NKAIN2: variants seen among roughly 807,000 people sequenced by gnomAD.
NKAIN2 encodes sodium/potassium-transporting ATPase subunit beta-1-interacting protein 2.
NKAIN2 carries 14 observed loss-of-function variants against 32.6 expected under a neutral mutation model. The ratio of observed to expected loss-of-function variants is 0.43; its 90% confidence interval spans 0.28 to 0.67. The LOEUF (loss-of-function observed/expected upper bound fraction) is 0.67. NKAIN2 is among the 30% of genes least tolerant of loss of function. The pLI is 0.17. For missense variants in NKAIN2, 198 were observed against 258.3 expected (o/e 0.77, Z 1.60); for synonymous variants, 80 against 87.2 (o/e 0.92, Z 0.46).
rs1324591860 is a variant in NKAIN2, at chr6:124,317,788, TTG to T, written c.192+34649_192+34650del. 4.6e-5 allele frequency among the ~76,000 whole-genome samples: 7 copies of T among 152,242 alleles called. No individual in the cohort carries two copies. The East Asian group carries it at 7.7e-4, about 17-fold the overall frequency. ...ATCAGACTACTAGGTTATTCACATCTTGTGAAACTTTTAGTTGAAGAATTTTC... is the reference window on the plus strand; with the variant it reads ...ATCAGACTACTAGGTTATTCACATCTTGAAACTTTTAGTTGAAGAATTTTC... On this transcript the variant is annotated intron_variant, in intron 2 of 6. Coordinates refer to ENST00000368417, the MANE Select transcript of NKAIN2 (RefSeq NM_001040214.3).
intron 1 of NKAIN2, among the ~76,000 whole-genome samples, chr6:123,994,040 C>T (rs540367394): frequency 8.5e-5 from 13 of 152,196 alleles, no homozygotes; most frequent in Non-Finnish European, 1.3e-4. Context: ...GCCATCACTG[C>T]TTCTTCCCCA....
intron 1 of NKAIN2, among the ~76,000 whole-genome samples, chr6:123,993,434 T>C (rs1285212265): frequency 6.6e-6 from 1 of 152,200 alleles, no homozygotes; most frequent in African/African-American, 2.4e-5. Flanking sequence ...ATTTTTTGTT[T>C]GTTTAGATGT....
chr6:123,925,886 C>A (rs1185725022), intron 1 of NKAIN2, among the ~76,000 whole-genome samples: 2 of 152,116 alleles, frequency 1.3e-5, no homozygotes, highest in East Asian at 1.9e-4. Flanking sequence ...AACTAGATAG[C>A]TTATATAAAC....
chr6:123,901,936 T>C (rs921583808), intron 1 of NKAIN2, among the ~76,000 whole-genome samples: 6 of 152,170 alleles, frequency 3.9e-5, no homozygotes, highest in Non-Finnish European at 7.4e-5. Flanking sequence ...ATGAGGCTGA[T>C]ACTTATTTTT....
chr6:124,033,639 C>T (rs1355048803), intron 1 of NKAIN2, among the ~76,000 whole-genome samples: 1 of 152,042 alleles, frequency 6.6e-6, no homozygotes, highest in African/African-American at 2.4e-5. Context: ...AAGCGAGCAT[C>T]CTCCCACTAA....
intron 1 of NKAIN2, among the ~76,000 whole-genome samples, chr6:123,883,346 CG>C (rs1264130926): frequency 1.3e-5 from 2 of 151,954 alleles, no homozygotes; most frequent in African/African-American, 4.8e-5. Flanking sequence ...AGGGTTTCAC[CG>C]TGTTAGCCAG....
chr6:124,144,530 T>G (rs1427285533), intron 1 of NKAIN2, among the ~76,000 whole-genome samples: 6 of 152,060 alleles, frequency 3.9e-5, no homozygotes, highest in African/African-American at 1.4e-4. Flanking sequence ...AACAATTAAA[T>G]GTAGGGAGAA....
intron 1 of NKAIN2, among the ~76,000 whole-genome samples, chr6:123,923,839 C>T (rs887111045): frequency 8.8e-5 from 13 of 147,736 alleles, no homozygotes; most frequent in Admixed American, 7.4e-4. Flanking sequence ...ATACCTAATG[C>T]TAGATGACGA....
At chr6:124,495,383 T>TTTGTTG (rs538949841) in intron 3 of NKAIN2, among the ~76,000 whole-genome samples, 2,218 of 152,070 alleles carry the variant, frequency 0.015, 57 homozygotes, top group African/African-American at 0.051. Context: ...GTTTGTTTGC[T>TTTGTTG]TTGTTGTTGT....
chr6:124,026,435 C>A (rs932933076), intron 1 of NKAIN2, among the ~76,000 whole-genome samples: 14 of 152,084 alleles, frequency 9.2e-5, no homozygotes, highest in African/African-American at 3.4e-4. Flanking sequence ...TTACCTTGTT[C>A]TTCAATGCTC....
intron 3 of NKAIN2, among the ~76,000 whole-genome samples, chr6:124,621,083 G>A (rs900803886): frequency 7.2e-5 from 11 of 152,114 alleles, no homozygotes; most frequent in Non-Finnish European, 1.5e-4. Flanking sequence ...AGAACGTAGC[G>A]AGGCCTGAGT....
chr6:123,804,226 C>T lies in NKAIN2; in HGVS notation c.26C>T (p.Thr9Met), dbSNP rs1252784062. The T allele has an allele frequency of 6.2e-6, 10 of 1,613,848 alleles. No homozygotes were observed. The highest frequency in any genetic ancestry group is 7.6e-6 in the Non-Finnish European group (9 of 1,179,924). The change falls in exon 1 of 7, where the codon ACG (threonine) becomes ATG (methionine). Residue 9 changes from threonine to methionine, a missense_variant. Coordinates refer to ENST00000368417, the MANE Select transcript of NKAIN2 (RefSeq NM_001040214.3). MGYCSGRC[T>M]LIFICGMQLV... ...ATGGGTTATTGCAGTGGCAGGTGCACGCTTATCTTTATCTGTGGCATGCAA... is the reference window on the plus strand; with the variant it reads ...ATGGGTTATTGCAGTGGCAGGTGCATGCTTATCTTTATCTGTGGCATGCAA...
chr6:123,912,557 T>C (rs1268768189), intron 1 of NKAIN2, among the ~76,000 whole-genome samples: 1 of 152,204 alleles, frequency 6.6e-6, no homozygotes, highest in Non-Finnish European at 1.5e-5. Context: ...TTGCACATTG[T>C]CTGTTGTAAA....
chr6:124,445,917 A>G (rs963463610), intron 3 of NKAIN2, among the ~76,000 whole-genome samples: 2 of 152,140 alleles, frequency 1.3e-5, no homozygotes, highest in Non-Finnish European at 2.9e-5. Context: ...CTATGTATAT[A>G]TAGTACATAT....
rs571091368 is a variant in NKAIN2, at chr6:124,361,087, T to C, written c.273+5740T>C. Among the ~76,000 whole-genome samples the C allele has an allele frequency of 3.2e-3, 494 of 152,292 alleles. 1 individual carries two copies. The highest frequency in any genetic ancestry group is 5.4e-3 in the Non-Finnish European group (367 of 68,006). ...AGGTATTTTCAACACAGAAGAGATA[T>C]GCTATTTGTTCTGAAGTGATTTTTA... is the stretch of plus-strand genomic sequence containing the variant. On this transcript the variant is annotated intron_variant, in intron 3 of 6. Transcript: ENST00000368417.
At chr6:124,795,018 T>C (rs1372929265) in intron 5 of NKAIN2, 2 of 160,584 alleles carry the variant, frequency 1.2e-5, no homozygotes, top group East Asian at 1.9e-4. Context: ...TTAATGTACA[T>C]GTAAACACTG....
At chr6:124,039,789 A>G (rs1394060907) in intron 1 of NKAIN2, among the ~76,000 whole-genome samples, 1 of 151,962 alleles carries the variant, frequency 6.6e-6, no homozygotes, top group Non-Finnish European at 1.5e-5. Context: ...AGATAATTTC[A>G]TCTTTTTCTT....
At chr6:124,677,397 G>A (rs78052620) in intron 4 of NKAIN2, among the ~76,000 whole-genome samples, 2,686 of 152,064 alleles carry the variant, frequency 0.018, 27 homozygotes, top group Non-Finnish European at 0.03. Context: ...TTTTCTCTTG[G>A]TCTTGTAGGT....
chr6:123,846,857 C>A (rs1189250770), intron 1 of NKAIN2, among the ~76,000 whole-genome samples: 1 of 151,778 alleles, frequency 6.6e-6, no homozygotes, highest in African/African-American at 2.4e-5. Flanking sequence ...CACACACACA[C>A]ACACATAACA....
Sources: allele counts gnomAD v4.1 joint callset (sites outside exome capture counted in the v4.1 genomes callset), GRCh38; gene constraint gnomAD v4.1.1; transcripts MANE v1.5; gene names NCBI Gene and HGNC (gene_info 2026-07-23, HGNC 2026-07-21).